Variants in CAMTA1 observed in about 807,000 individuals in gnomAD.
The protein encoded by CAMTA1 is calmodulin-binding transcription activator 1.
A neutral mutation model predicts 170.9 loss-of-function variants in CAMTA1; 27 were observed. The observed-to-expected ratio is 0.16, with a 90% CI of 0.12 to 0.22. The LOEUF (loss-of-function observed/expected upper bound fraction) is 0.22, where lower values mean the gene tolerates loss of function less well. Ranked by LOEUF, CAMTA1 falls within the 10% of genes least tolerant of loss-of-function variation. The pLI is 1.00. For synonymous variants in CAMTA1, 833 were observed against 891.5 expected, an observed-to-expected ratio of 0.93 and a Z score of 1.17; for missense variants, 1,619 against 2,217.2, an observed-to-expected ratio of 0.73 and a Z score of 5.42.
chr1:7,297,044 T>G, intron 5 of CAMTA1, among the ~76,000 whole-genome samples: 1 of 152,048 alleles, frequency 6.6e-6, no homozygotes, highest in East Asian at 1.9e-4. Context: ...GAGGACCAAA[T>G]GGAAAAAGAA....
At chr1:7,513,932 TACACACACACACA>T (rs995484505) in intron 6 of CAMTA1, among the ~76,000 whole-genome samples, 6 of 75,762 alleles carry the variant, frequency 7.9e-5, no homozygotes, top group Admixed American at 1.3e-4. Context: ...CAAAAACACA[TACACACACACACA>T]CATACACACA....
chr1:7,174,816 C>T (rs570365691), intron 4 of CAMTA1, among the ~76,000 whole-genome samples: 135 of 152,158 alleles, frequency 8.9e-4, no homozygotes, highest in South Asian at 2.3e-3. Context: ...ACGGCCCAGG[C>T]GAGGCAGAGG....
chr1:6,941,168 G>C (rs1686541459), intron 3 of CAMTA1, among the ~76,000 whole-genome samples: 1 of 152,196 alleles, frequency 6.6e-6, no homozygotes, highest in Non-Finnish European at 1.5e-5. Flanking sequence ...TGCCCCTCTG[G>C]TATGTCTGAA....
In CAMTA1 at chr1:7,063,725, G is replaced by T. The variant is rs889764424; in HGVS notation, c.235-27579G>T. Among the ~76,000 whole-genome samples the T allele has an allele frequency of 2.0e-5, 3 of 152,188 alleles. No homozygotes were observed. Among genetic ancestry groups the T allele is most frequent in the Non-Finnish European group, 4.4e-5 (3 of 68,026 alleles). On this transcript the variant is annotated intron_variant, in intron 3 of 22. Transcript: ENST00000303635. The surrounding 1 kb of genome is among the most constrained non-coding windows in gnomAD (Gnocchi z 4.3). ...AGCAAGTTGTACCTACAAAGTGGGAGCAAATTCAACAACCACACTTTTTCA... is the reference window on the plus strand; with the variant it reads ...AGCAAGTTGTACCTACAAAGTGGGATCAAATTCAACAACCACACTTTTTCA...
At chr1:6,796,178 CA>C (rs373371418) in intron 1 of CAMTA1, among the ~76,000 whole-genome samples, 2 of 114,804 alleles carry the variant, frequency 1.7e-5, no homozygotes, top group African/African-American at 7.0e-5. Flanking sequence ...CTCACTGTGT[CA>C]CTCAGTCTGG....
intron 5 of CAMTA1, among the ~76,000 whole-genome samples, chr1:7,404,032 G>A (rs1575137611): frequency 6.6e-6 from 1 of 152,188 alleles, no homozygotes; most frequent in Non-Finnish European, 1.5e-5. Flanking sequence ...GTGGCTTGGT[G>A]CTGGGCTGGG....
chr1:7,072,747 C>T (rs999422829), intron 3 of CAMTA1, among the ~76,000 whole-genome samples: 7 of 152,112 alleles, frequency 4.6e-5, no homozygotes, highest in Non-Finnish European at 7.3e-5. Context: ...GGGAGTGAAC[C>T]GAGTAGGATT....
rs115171629 is a variant in CAMTA1, at chr1:7,374,045, C to T, written c.439-93785C>T. 2.9e-3 allele frequency among the ~76,000 whole-genome samples: 440 copies of T among 152,304 alleles called. 2 individuals are homozygous for T. The highest frequency in any genetic ancestry group is 5.1e-3 in the Non-Finnish European group (346 of 68,030). On this transcript the variant is annotated intron_variant, in intron 5 of 22. Coordinates refer to ENST00000303635, the MANE Select transcript of CAMTA1 (RefSeq NM_015215.4). ...GGTGGCTCCTGCCCAGGGAGAAGGA[C>T]CCAGAGCCTGCCTCCCCGCCTCACT... is the stretch of plus-strand genomic sequence containing the variant.
chr1:7,266,680 C>T lies in CAMTA1; in HGVS notation c.438+17054C>T, dbSNP rs75503472. On this transcript the variant is annotated intron_variant, in intron 5 of 22. Transcript: ENST00000303635. ...GTGTGCAATGCATATGCCTAGATGA[C>T]AAGTAGTGGCCAGGCACTGGCCCTT... Among the ~76,000 whole-genome samples, 573 of 152,310 alleles carry T rather than the reference C, an allele frequency of 3.8e-3. 4 individuals carry two copies. The highest frequency in any genetic ancestry group is 0.013 in the African/African-American group (555 of 41,558).
chr1:7,503,876 C>T (rs375400960), intron 6 of CAMTA1, among the ~76,000 whole-genome samples: 5 of 152,172 alleles, frequency 3.3e-5, no homozygotes, highest in South Asian at 2.1e-4. Flanking sequence ...GAGCCACCTC[C>T]GCTGCCCCGC....
At chr1:7,679,392 GC>G (rs2096160829) in intron 11 of CAMTA1, among the ~76,000 whole-genome samples, 1 of 152,156 alleles carries the variant, frequency 6.6e-6, no homozygotes, top group African/African-American at 2.4e-5. Context: ...ACATCTGCAG[GC>G]CCCCTGGAAA....
intron 11 of CAMTA1, among the ~76,000 whole-genome samples, chr1:7,695,354 T>G (rs2096364631): frequency 6.6e-6 from 1 of 152,168 alleles, no homozygotes; most frequent in South Asian, 2.1e-4. Flanking sequence ...AGGCCCCCAA[T>G]TGCACTCAAA....
chr1:7,347,075 T>C (rs936748456), intron 5 of CAMTA1, among the ~76,000 whole-genome samples: 2 of 152,186 alleles, frequency 1.3e-5, no homozygotes, highest in African/African-American at 4.8e-5. Flanking sequence ...TAGCAATAGA[T>C]GGTGAAGAGA....
At position 7,041,046 on chromosome 1, in the gene CAMTA1, G is replaced by T. The variant is rs903114928; in HGVS notation, c.235-50258G>T. ...CCTCCCTCTGTTTTTTAAGACAGGT[G>T]CGTGTGGGCGCAGGAGGCGGAGGGC... On this transcript the variant is annotated intron_variant, in intron 3 of 22. Transcript: ENST00000303635. This position sits in a 1 kb window ranked among gnomAD's most constrained non-coding sequence, Gnocchi z 5.1. Among the ~76,000 whole-genome samples the T allele has an allele frequency of 6.6e-6, 1 of 152,230 alleles. No individual in the cohort carries two copies.
chr1:7,099,492 T>G (rs1337842178), intron 4 of CAMTA1, among the ~76,000 whole-genome samples: 1 of 152,218 alleles, frequency 6.6e-6, no homozygotes, highest in Non-Finnish European at 1.5e-5. Flanking sequence ...CTCTGGTCTT[T>G]TGGTTCTGAT....
intron 1 of CAMTA1, among the ~76,000 whole-genome samples, chr1:6,815,539 C>A (rs1645688213): frequency 6.6e-6 from 1 of 152,210 alleles, no homozygotes; most frequent in African/African-American, 2.4e-5. Flanking sequence ...GGGCACTATA[C>A]TTGAGTAACC....
intron 5 of CAMTA1, among the ~76,000 whole-genome samples, chr1:7,370,537 A>G (rs1179538616): frequency 6.6e-6 from 1 of 152,226 alleles, no homozygotes; most frequent in Non-Finnish European, 1.5e-5. Flanking sequence ...TCGAGGGAAG[A>G]CACACATTCC....
intron 6 of CAMTA1, among the ~76,000 whole-genome samples, chr1:7,572,095 T>C (rs2095132689): frequency 6.6e-6 from 1 of 152,242 alleles, no homozygotes; most frequent in Non-Finnish European, 1.5e-5. Flanking sequence ...ATTAGTGATG[T>C]TGAGCATTTT....
Position 7,300,421 on chromosome 1 carries a change from A to G in CAMTA1, c.438+50795A>G, listed in dbSNP as rs1374400793. The stretch of plus-strand genomic sequence containing the variant: ...GCCAGGCGCAGTGGCTCACGCCTGT[A>G]ATCCCCATACTTTGGGAGGCCAAGG... On this transcript the variant is annotated intron_variant, in intron 5 of 22. Transcript: ENST00000303635. The surrounding 1 kb of genome is among the most constrained non-coding windows in gnomAD (Gnocchi z 4.1). Among the ~76,000 whole-genome samples, 1 of 152,242 alleles carries G rather than the reference A, an allele frequency of 6.6e-6. No individual in the cohort carries two copies. The highest frequency in any genetic ancestry group is 1.5e-5 in the Non-Finnish European group (1 of 68,042).
Sources: allele counts gnomAD v4.1 joint callset (sites outside exome capture counted in the v4.1 genomes callset), GRCh38; gene constraint gnomAD v4.1.1; non-coding constraint Gnocchi (gnomAD v3.1); transcripts MANE v1.5; gene names NCBI Gene and HGNC (gene_info 2026-07-23, HGNC 2026-07-21).